The following NFIC variants were observed in gnomAD, a reference collection of about 807,000 sequenced individuals.
NFIC encodes nuclear factor I C, also known as nuclear factor 1 C-type.
NFIC carries 12 observed loss-of-function variants against 54.4 expected under a neutral mutation model. The ratio of observed to expected loss-of-function variants is 0.22; its 90% CI spans 0.14 to 0.36. NFIC has a LOEUF of 0.36. Ranked by LOEUF, NFIC falls within the 10% of genes least tolerant of loss-of-function variation. The pLI is 1.00. For synonymous variants in NFIC, 322 were observed against 319.2 expected, an observed-to-expected ratio of 1.01 and a Z score of -0.09; for missense variants, 575 against 718.2, an observed-to-expected ratio of 0.80 and a Z score of 2.28.
intron 3 of NFIC, among the ~76,000 whole-genome samples, chr19:3,428,757 C>T (rs539000137): frequency 1.3e-5 from 2 of 152,114 alleles, no homozygotes; most frequent in South Asian, 2.1e-4. Context: ...CCTCCCAGCT[C>T]GCCAGGGAGT....
chr19:3,420,487 AT>A (rs2081935496), intron 2 of NFIC, among the ~76,000 whole-genome samples: 1 of 151,872 alleles, frequency 6.6e-6, no homozygotes, highest in African/African-American at 2.4e-5. Context: ...GGAGATTGCA[AT>A]GAGCTGGATC....
At chr19:3,386,768 C>T (rs2081303468) in intron 2 of NFIC, among the ~76,000 whole-genome samples, 1 of 152,206 alleles carries the variant, frequency 6.6e-6, no homozygotes, top group Admixed American at 6.5e-5. Context: ...CTGCCTCATC[C>T]TCCATTATTG....
chr19:3,361,628 CCCT>C (rs1355352401), upstream of NFIC, among the ~76,000 whole-genome samples: 11 of 151,956 alleles, frequency 7.2e-5, no homozygotes, highest in Non-Finnish European at 1.5e-5. Context: ...GGAGAGAAAA[CCCT>C]CCCACAATGA....
At position 3,437,900 on chromosome 19, in the gene NFIC, A is replaced by C. The variant is rs542258110; in HGVS notation, c.958+2693A>C. 8.6e-5 allele frequency among the ~76,000 whole-genome samples: 13 copies of C among 150,888 alleles called. 2 individuals carry two copies. The highest frequency in any genetic ancestry group is 3.2e-4 in the African/African-American group (13 of 41,048). ...ACTATGTTGGCCAGGCTGGTCTTGAACTCCTGACCTCAAGTGATCCGCCAA... is the reference window on the plus strand; with the variant it reads ...ACTATGTTGGCCAGGCTGGTCTTGACCTCCTGACCTCAAGTGATCCGCCAA... On this transcript the variant is annotated intron_variant, in intron 6 of 10. Coordinates refer to ENST00000443272, the MANE Select transcript of NFIC (RefSeq NM_001245002.2).
rs2080984267 is a variant in NFIC at position 3,370,557 on chromosome 19, T to C, written c.30+3891T>C. ...TCTCTCCTCCTCTCTCCCTCTCTCCTTCTCTGTCTCCCTTTCCGTCTTTCC... is the reference window on the plus strand; with the variant it reads ...TCTCTCCTCCTCTCTCCCTCTCTCCCTCTCTGTCTCCCTTTCCGTCTTTCC... On this transcript the variant is annotated intron_variant, in intron 1 of 10. Transcript: ENST00000443272. This position sits in a 1 kb window ranked among gnomAD's most constrained non-coding sequence, Gnocchi z 5.2. 6.9e-6 allele frequency among the ~76,000 whole-genome samples: 1 copy of C among 144,172 alleles called. No individual in the cohort carries two copies. The highest frequency in any genetic ancestry group is 2.6e-5 in the African/African-American group (1 of 38,946). 94.6% of individuals were successfully genotyped at this position (144,172 alleles called of 152,430 possible).
upstream of NFIC, among the ~76,000 whole-genome samples, chr19:3,366,261 C>A (rs1159190789): frequency 6.8e-6 from 1 of 146,750 alleles, no homozygotes; most frequent in African/African-American, 2.5e-5. Flanking sequence ...GGTCCTGAGA[C>A]GTCGGGGGAG....
intron 3 of NFIC, among the ~76,000 whole-genome samples, chr19:3,429,231 CA>C (rs367681612): frequency 0.014 from 512 of 36,724 alleles, 27 homozygotes; most frequent in African/African-American, 0.046. Context: ...ATCTCTACCC[CA>C]AAAAAAAAAA....
In NFIC at chr19:3,359,815, G is replaced by T. The variant is rs1007223026; in HGVS notation, c.3+130G>T. The T allele has an allele frequency of 3.0e-5, 30 of 1,002,758 alleles. No homozygotes were observed. In the Admixed American group the frequency reaches 1.2e-3, roughly 41 times the overall value. 62.1% of individuals were successfully genotyped at this position (1,002,758 alleles called of 1,614,324 possible). A position where few individuals can be genotyped will look rare whatever the true frequency, so the allele number is the denominator to read the frequency against. ...GCCCGGAGGAGGGGCTCGAGGCGGG[G>T]ACCCCCACTCGCCAGTCGCCACGGG... On this transcript the variant is annotated intron_variant, in intron 1 of 9. Coordinates refer to the NFIC transcript ENST00000395111.
chr19:3,412,027 A>G (rs759441919), intron 2 of NFIC, among the ~76,000 whole-genome samples: 1 of 152,178 alleles, frequency 6.6e-6, no homozygotes, highest in Non-Finnish European at 1.5e-5. Flanking sequence ...AACCGCCAAC[A>G]TTTTAAAGCC....
At chr19:3,428,656 C>A (rs1035563628) in intron 3 of NFIC, among the ~76,000 whole-genome samples, 1 of 152,122 alleles carries the variant, frequency 6.6e-6, no homozygotes, top group Non-Finnish European at 1.5e-5. Flanking sequence ...CCAGACGCCT[C>A]TCTCCAAGCC....
chr19:3,436,621 C>G (rs1198216613), intron 6 of NFIC, among the ~76,000 whole-genome samples: 1 of 151,628 alleles, frequency 6.6e-6, no homozygotes, highest in Non-Finnish European at 1.5e-5. Flanking sequence ...ATTACAGGCA[C>G]CCACCACCAC....
chr19:3,376,364 G>T (rs1399687964), intron 1 of NFIC, among the ~76,000 whole-genome samples: 1 of 146,734 alleles, frequency 6.8e-6, no homozygotes, highest in Admixed American at 6.9e-5. Flanking sequence ...AGGAGGCGGA[G>T]GTTGCAGTGA....
intron 9 of NFIC, among the ~76,000 whole-genome samples, chr19:3,455,517 G>A: frequency 6.7e-6 from 1 of 148,454 alleles, no homozygotes; most frequent in East Asian, 2.0e-4. Flanking sequence ...ATAGGTGCAG[G>A]ATACTGTGTA....
intron 2 of NFIC, among the ~76,000 whole-genome samples, chr19:3,401,184 A>C (rs1320250599): frequency 6.6e-6 from 1 of 152,180 alleles, no homozygotes; most frequent in East Asian, 1.9e-4. Context: ...AGTTTGTGCA[A>C]GGCCTGGTGG....
At position 3,377,090 on chromosome 19, in the gene NFIC, A is replaced by G. The variant is rs373703931; in HGVS notation, c.31-4622A>G. Among the ~76,000 whole-genome samples the G allele has an allele frequency of 2.3e-4, 34 of 151,042 alleles. 1 individual carries two copies. In the South Asian group the frequency reaches 7.3e-3, roughly 32 times the overall value. The stretch of plus-strand genomic sequence containing the variant: ...ATCACAGTAGCCCCAGCACTTTGGG[A>G]GGCCGAGGCAGGCGGATCACGAGGT... On this transcript the variant is annotated intron_variant, in intron 1 of 10. Transcript: ENST00000443272.
At chr19:3,414,921 C>T (rs575858505) in intron 2 of NFIC, among the ~76,000 whole-genome samples, 145 of 152,090 alleles carry the variant, frequency 9.5e-4, no homozygotes, top group Non-Finnish European at 1.8e-3. Flanking sequence ...CTCACTGTAA[C>T]CTCTGCCTCC....
rs1003343183 is a variant in NFIC, at chr19:3,369,624, G to A, written c.30+2958G>A. Among the ~76,000 whole-genome samples, 10 of 152,228 alleles carry A rather than the reference G, an allele frequency of 6.6e-5. No homozygotes were observed. The highest frequency in any genetic ancestry group is 1.2e-4 in the Non-Finnish European group (8 of 68,002). ...GGGCATTCTGGGAGCCCCGGGCCGGGCTCAGCGGTGACTCAAGCGCTTTTT... is the reference window on the plus strand; with the variant it reads ...GGGCATTCTGGGAGCCCCGGGCCGGACTCAGCGGTGACTCAAGCGCTTTTT... On this transcript the variant is annotated intron_variant, in intron 1 of 10. Transcript: ENST00000443272. This position sits in a 1 kb window ranked among gnomAD's most constrained non-coding sequence, Gnocchi z 4.3.
At chr19:3,447,925 T>G (rs1044874930) in intron 6 of NFIC, among the ~76,000 whole-genome samples, 2 of 152,250 alleles carry the variant, frequency 1.3e-5, no homozygotes, top group African/African-American at 4.8e-5. Context: ...TGAGACAGTT[T>G]CACAGTTTCA....
intron 2 of NFIC, among the ~76,000 whole-genome samples, chr19:3,393,684 G>A (rs909558803): frequency 2.0e-5 from 3 of 151,414 alleles, no homozygotes; most frequent in East Asian, 4.0e-4. Flanking sequence ...GCGTGGTGGC[G>A]CGAACCTGTA....
Sources: gnomAD v4.1 joint callset for allele counts (sites outside exome capture counted in the v4.1 genomes callset) on GRCh38, gnomAD v4.1.1 for gene constraint, Gnocchi (gnomAD v3.1) non-coding constraint, MANE v1.5 for transcripts, NCBI Gene and HGNC (gene_info 2026-07-23, HGNC 2026-07-21) for gene names.